The following RBM6 variants were observed in gnomAD, a reference collection of about 807,000 sequenced individuals.
RBM6 encodes the protein RNA-binding protein 6.
A neutral mutation model predicts 140.4 loss-of-function variants in RBM6; 23 were observed. The observed-to-expected ratio is 0.16, with a 90% CI of 0.12 to 0.23. The LOEUF is 0.23. Ranked by LOEUF, RBM6 falls within the 10% of genes least tolerant of loss-of-function variation. The probability of loss-of-function intolerance (pLI) is 1.00; values close to 1 mark genes in which losing one functional copy is unlikely to be tolerated. For synonymous variants in RBM6, 439 were observed against 475.6 expected (o/e 0.92, Z 1.00); for missense variants, 1,139 against 1,386.7 (o/e 0.82, Z 2.84).
In RBM6 at chr3:50,016,935, C is replaced by T. The variant is rs143653798; in HGVS notation, c.1557+17422C>T. On this transcript the variant is annotated intron_variant, in intron 6 of 20. Transcript: ENST00000266022. Reference sequence around the variant, plus strand: ...CTGCCTCCCGGGTTCAAGTAATTCTCATGCCTCAGCCTCCTGAGTAGTTGA... The same window carrying T: ...CTGCCTCCCGGGTTCAAGTAATTCTTATGCCTCAGCCTCCTGAGTAGTTGA... Among the ~76,000 whole-genome samples the T allele has an allele frequency of 6.1e-3, 924 of 150,712 alleles. 9 individuals carry two copies. The highest frequency in any genetic ancestry group is 0.021 in the African/African-American group (872 of 40,836).
Position 50,070,469 on chromosome 3 carries a change from A to C in RBM6, c.3033A>C (p.Gly1011=). 2 of 1,613,922 alleles carry C rather than the reference A, an allele frequency of 1.2e-6. No homozygotes were observed. The highest frequency in any genetic ancestry group is 1.7e-6 in the Non-Finnish European group (2 of 1,179,810). ...CTTACCAACAGGGAAAGTTTAAAGG[A>C]AGAGGAAATGATCGCAGGGAAAAGC... ...ERREREGKFK[G]RGNDRREKLQ... Residue 1011 remains glycine, a synonymous_variant, in exon 19 of 21, where the codon GGA becomes GGC. Transcript: ENST00000266022.
intron 1 of RBM6, among the ~76,000 whole-genome samples, chr3:49,961,740 G>T (rs1195001497): frequency 6.6e-6 from 1 of 151,640 alleles, no homozygotes; most frequent in Non-Finnish European, 1.5e-5. Flanking sequence ...CAGAGGTTGT[G>T]GTGGGCTGAG....
Position 50,077,179 on chromosome 3 carries a change from T to C in RBM6, c.*46T>C. ...GGATACAACCTCCCTCTTGTTTTGTTTGTCTCTCCTTTTCTTTTGTTACTG... is the reference window on the plus strand; with the variant it reads ...GGATACAACCTCCCTCTTGTTTTGTCTGTCTCTCCTTTTCTTTTGTTACTG... On this transcript the variant is annotated 3_prime_UTR_variant, in exon 21 of 21. Transcript: ENST00000266022. 6.4e-7 allele frequency: 1 copy of C among 1,557,222 alleles called. No individual in the cohort carries two copies. Among genetic ancestry groups the C allele is most frequent in the Non-Finnish European group, 8.7e-7 (1 of 1,152,526 alleles).
chr3:50,068,801 C>A, intron 18 of RBM6, 37 bp downstream of exon 18: 1 of 1,574,218 alleles, frequency 6.4e-7, no homozygotes, highest in Non-Finnish European at 8.7e-7. Flanking sequence ...TTGACCTCAG[C>A]TCTTTTTGCT....
intron 1 of RBM6, among the ~76,000 whole-genome samples, chr3:49,955,964 C>T: frequency 6.7e-6 from 1 of 148,312 alleles, no homozygotes. Flanking sequence ...CTGATAAGGA[C>T]TTTTGCCATT....
intron 5 of RBM6, among the ~76,000 whole-genome samples, chr3:49,991,775 A>G (rs1366976636): frequency 1.3e-5 from 2 of 152,032 alleles, no homozygotes; most frequent in Non-Finnish European, 2.9e-5. Flanking sequence ...GGTCGTTTCA[A>G]GTCTCACCTA....
chr3:50,023,028 G>A (rs558750419), intron 6 of RBM6, among the ~76,000 whole-genome samples: 10 of 152,248 alleles, frequency 6.6e-5, no homozygotes, highest in Admixed American at 1.3e-4. Context: ...GAGCCCAAGA[G>A]GTTGAGGCTG....
intron 4 of RBM6, among the ~76,000 whole-genome samples, chr3:49,974,851 T>C (rs1302007283): frequency 6.6e-6 from 1 of 151,618 alleles, no homozygotes; most frequent in African/African-American, 2.4e-5. Context: ...CACACCAGGC[T>C]AATTTTTGTA....
At chr3:50,070,406 C>T in intron 18 of RBM6, 49 bp from the exon 19 acceptor site, 1 of 1,342,418 alleles carries the variant, frequency 7.4e-7, no homozygotes, top group Non-Finnish European at 1.1e-6. Flanking sequence ...CCCCACTCCC[C>T]AATTCCCTCA....
intron 1 of RBM6, among the ~76,000 whole-genome samples, chr3:49,959,728 G>A (rs1339860046): frequency 6.6e-6 from 1 of 151,068 alleles, no homozygotes; most frequent in Non-Finnish European, 1.5e-5. Context: ...CCGCCACTAC[G>A]CCTGGCTAAT....
At chr3:49,965,530 C>T (rs746566939) in intron 2 of RBM6, among the ~76,000 whole-genome samples, 9 of 152,100 alleles carry the variant, frequency 5.9e-5, no homozygotes, top group Non-Finnish European at 1.2e-4. Context: ...ATTAGCTGGG[C>T]GTGGTAGCGG....
Position 49,987,646 on chromosome 3 carries a change from C to CT in RBM6, c.1484-11784dup, listed in dbSNP as rs1330955086. ...TTGTAAATTTCTTTCTTTCTTTTTT[C>CT]TTTTTTTTTTGAGACAGAGTCTTAC... On this transcript the variant is annotated intron_variant, in intron 5 of 20. Coordinates refer to ENST00000266022, the MANE Select transcript of RBM6 (RefSeq NM_005777.3). Among the ~76,000 whole-genome samples the CT allele has an allele frequency of 7.2e-3, 1,059 of 147,464 alleles. 16 individuals carry two copies. Among genetic ancestry groups the CT allele is most frequent in the African/African-American group, 0.025 (998 of 40,370 alleles).
At chr3:50,040,963 C>T (rs2088885841) in intron 6 of RBM6, among the ~76,000 whole-genome samples, 1 of 152,142 alleles carries the variant, frequency 6.6e-6, no homozygotes, top group Admixed American at 6.6e-5. Context: ...CATCTTGAGA[C>T]CCTGACTTCT....
intron 6 of RBM6, among the ~76,000 whole-genome samples, chr3:50,022,943 A>T (rs1165763798): frequency 2.0e-5 from 3 of 151,968 alleles, no homozygotes; most frequent in Non-Finnish European, 4.4e-5. Context: ...TACCAAAAGT[A>T]CAAAAATTAG....
chr3:50,032,482 C>CAAA (rs10648927), intron 6 of RBM6, among the ~76,000 whole-genome samples: 45 of 58,352 alleles, frequency 7.7e-4, no homozygotes, highest in African/African-American at 2.5e-3. Context: ...GACTCCATCT[C>CAAA]AAAAAAAAAA....
chr3:50,036,421 A>C (rs1412684571), intron 6 of RBM6, among the ~76,000 whole-genome samples: 1 of 152,134 alleles, frequency 6.6e-6, no homozygotes, highest in African/African-American at 2.4e-5. Flanking sequence ...GCAGGGATAT[A>C]GTTAGTGACA....
At chr3:50,001,055 T>G (rs2086304424) in intron 6 of RBM6, among the ~76,000 whole-genome samples, 1 of 152,226 alleles carries the variant, frequency 6.6e-6, no homozygotes, top group Non-Finnish European at 1.5e-5. Context: ...TGTCCATCAC[T>G]GAATCACTTA....
At chr3:50,061,722 G>A in intron 14 of RBM6, 175 bp downstream of exon 14, 1 of 1,405,912 alleles carries the variant, frequency 7.1e-7, no homozygotes. Flanking sequence ...TGCCTATATG[G>A]AAAATCAGTG....
intron 5 of RBM6, among the ~76,000 whole-genome samples, chr3:49,984,640 C>T (rs1000154729): frequency 5.7e-5 from 4 of 70,238 alleles, no homozygotes; most frequent in African/African-American, 1.1e-4. Flanking sequence ...CGCATCGCAT[C>T]GCATCGCATC....
Sources: allele counts gnomAD v4.1 joint callset (sites outside exome capture counted in the v4.1 genomes callset), GRCh38; gene constraint gnomAD v4.1.1; transcripts MANE v1.5; gene names NCBI Gene and HGNC (gene_info 2026-07-23, HGNC 2026-07-21).